The following USP39 variants were observed in gnomAD, a reference collection of about 807,000 sequenced individuals.
USP39 encodes the protein ubiquitin specific peptidase 39.
A neutral mutation model predicts 66.4 loss-of-function variants in USP39; 38 were observed. The observed-to-expected ratio is 0.57, with a 90% CI of 0.44 to 0.75. USP39 has a LOEUF of 0.75. USP39 is among the 30% of genes least tolerant of loss of function. The pLI, the probability that USP39 is intolerant of heterozygous loss-of-function variation, is 0.00. For synonymous variants in USP39, 303 were observed against 274.6 expected, an observed-to-expected ratio of 1.10 and a Z score of -1.02; for missense variants, 608 against 714.4, an observed-to-expected ratio of 0.85 and a Z score of 1.70.
chr2:85,608,821 G>A (rs751393826), upstream of USP39: 326 of 1,349,406 alleles, frequency 2.4e-4, no homozygotes, highest in East Asian at 4.0e-4. Flanking sequence ...ACACCCTATG[G>A]ATGCAGCAGC....
chr2:85,611,588 G>A (rs552219792), upstream of USP39: 16 of 1,552,328 alleles, frequency 1.0e-5, no homozygotes, highest in Admixed American at 7.8e-5. Context: ...GGAGTAAGAA[G>A]TGGTTTTTCC....
intron 1 of USP39, among the ~76,000 whole-genome samples, chr2:85,618,090 G>A (rs1041934314): frequency 6.6e-6 from 1 of 152,028 alleles, no homozygotes; most frequent in Non-Finnish European, 1.5e-5. Context: ...AGTAGGCTGG[G>A]ATTACACGTG....
chr2:85,640,134 A>C (rs1353025600), intron 9 of USP39, among the ~76,000 whole-genome samples: 1 of 152,054 alleles, frequency 6.6e-6, no homozygotes, highest in Non-Finnish European at 1.5e-5. Context: ...GACCTCCCAA[A>C]GTGTTGGGAT....
chr2:85,610,914 A>T (rs1673469070), upstream of USP39: 1 of 140,252 alleles, frequency 7.1e-6, no homozygotes, highest in African/African-American at 2.7e-5. Flanking sequence ...GCCCACCACC[A>T]CGCCCGGCTA....
chr2:85,631,175 C>T (rs550073897), intron 6 of USP39, among the ~76,000 whole-genome samples: 7 of 152,144 alleles, frequency 4.6e-5, no homozygotes, highest in South Asian at 2.1e-4. Flanking sequence ...CCACCACGCC[C>T]GGCTAATTTT....
In USP39 at chr2:85,639,187, T is replaced by C; in HGVS notation, c.1096-16T>C. The C allele has an allele frequency of 1.2e-6, 2 of 1,607,006 alleles. No individual in the cohort carries two copies. Among genetic ancestry groups the C allele is most frequent in the Non-Finnish European group, 1.7e-6 (2 of 1,175,740 alleles). ...GTCACACTCCTTTCCTCTCTTTTCT[T>C]CTCATTCATTTCTAGCCAGCAGAAG... On this transcript the variant is annotated splice_polypyrimidine_tract_variant and intron_variant, in intron 8 of 12. Coordinates refer to ENST00000323701, the MANE Select transcript of USP39 (RefSeq NM_006590.4).
At chr2:85,609,340 A>G, upstream of USP39, 1 of 1,516,566 alleles carries the variant, frequency 6.6e-7, no homozygotes, top group East Asian at 2.3e-5. Context: ...GACGCTTCCC[A>G]TTGGGGGTCC....
At chr2:85,619,427 G>A in intron 2 of USP39, 138 bp downstream of exon 2, 3 of 800,884 alleles carry the variant, frequency 3.7e-6, no homozygotes, top group Non-Finnish European at 3.9e-6. Flanking sequence ...TTCTTGCCAT[G>A]TTACTCCTTA....
rs552542357 is a variant in USP39 at position 85,616,296 on chromosome 2, G to A, written c.101G>A (p.Arg34Gln). Reference sequence around the variant, plus strand: ...GGTCGCGTCAAGCGGGAGCGAGATCGGGAGCGGGAGCCTGAGGCGGCGAGC... The same window carrying A: ...GGTCGCGTCAAGCGGGAGCGAGATCAGGAGCGGGAGCCTGAGGCGGCGAGC... ...SSGRVKRERDREREPEAASSR... is the reference protein window; with the variant it reads ...SSGRVKRERDQEREPEAASSR... Residue 34 changes from arginine (R) to glutamine (Q), a missense_variant, in exon 1 of 13, where the codon CGG becomes CAG. Arg to Gln is a conservative substitution (Grantham distance 43, BLOSUM62 1). Transcript: ENST00000323701. 63 of 1,569,342 alleles carry A rather than the reference G, an allele frequency of 4.0e-5. No homozygotes were observed. The East Asian group carries it at 1.3e-3, about 34-fold the overall frequency.
intron 1 of USP39, among the ~76,000 whole-genome samples, chr2:85,618,548 C>A (rs1396213961): frequency 7.1e-6 from 1 of 141,838 alleles, no homozygotes; most frequent in Admixed American, 7.3e-5. Context: ...GGGGACAGAG[C>A]GAGACTCCGT....
rs1157893065 is a variant in USP39, at chr2:85,630,954, C to A, written c.949+8C>A. On this transcript the variant is annotated splice_region_variant and intron_variant, in intron 6 of 12. Coordinates refer to ENST00000323701, the MANE Select transcript of USP39 (RefSeq NM_006590.4). ...TTCAGATCACCAAACAAGGTAAGAA[C>A]AAGTCATTCATGTTTCAGGACAACA... 1.9e-6 allele frequency: 3 copies of A among 1,610,108 alleles called. No homozygotes were observed. Among genetic ancestry groups the A allele is most frequent in the Admixed American group, 3.4e-5 (2 of 59,570 alleles).
rs1673950249 is a variant in USP39, at chr2:85,616,395, T to G, written c.200T>G (p.Val67Gly). Residue 67 changes from valine to glycine, a missense_variant, in exon 1 of 13, where the codon GTC becomes GGC. Physicochemically the swap from Val to Gly is moderately radical, Grantham distance 109 (BLOSUM62 -3). This residue lies in a region of USP39 where 207 missense variants were observed against 145.7 expected (regional missense o/e 1.42). Transcript: ENST00000323701. ...GCGCGCGAGGCCCCGGCTTCTGTTG[T>G]CCCGTTTGTGCGGGTGAAGCGGGAG... ...ASAREAPASV[V>G]PFVRVKRERE... is the part of the protein sequence containing the mutation. The G allele has an allele frequency of 6.2e-7, 1 of 1,604,118 alleles. No individual in the cohort carries two copies. The highest frequency in any genetic ancestry group is 8.5e-7 in the Non-Finnish European group (1 of 1,175,420).
At chr2:85,631,313 C>CT (rs57173306) in intron 6 of USP39, among the ~76,000 whole-genome samples, 8,431 of 126,262 alleles carry the variant, frequency 0.067, 415 homozygotes, top group East Asian at 0.21. Flanking sequence ...TGCGCCCGGC[C>CT]TTTTTTTTTT....
intron 1 of USP39, among the ~76,000 whole-genome samples, chr2:85,617,888 G>C (rs185579623): frequency 3.3e-5 from 5 of 152,078 alleles, no homozygotes; most frequent in South Asian, 2.1e-4. Flanking sequence ...GTTAGCTTGC[G>C]AGTAGGGTAA....
chr2:85,606,157 T>C (rs1308873012), intron 1 of USP39, among the ~76,000 whole-genome samples: 1 of 152,202 alleles, frequency 6.6e-6, no homozygotes, highest in Non-Finnish European at 1.5e-5. Flanking sequence ...GATATGCCTA[T>C]CAGATTGTGT....
chr2:85,643,648 CT>C (rs34391423), intron 10 of USP39, among the ~76,000 whole-genome samples: 1,751 of 139,304 alleles, frequency 0.013, 13 homozygotes, highest in Non-Finnish European at 0.016. Context: ...CTCATATCTC[CT>C]TTTTTTTTTT....
chr2:85,613,194 A>G (rs779717050), upstream of USP39, among the ~76,000 whole-genome samples: 2 of 152,038 alleles, frequency 1.3e-5, no homozygotes, highest in Non-Finnish European at 2.9e-5. Flanking sequence ...CATCGTCTCT[A>G]CAAGAAAAAA....
upstream of USP39, chr2:85,611,941 G>C (rs908456742): frequency 6.3e-7 from 1 of 1,583,264 alleles, no homozygotes. Context: ...CCGCCCCCCA[G>C]GCTTGCAGCA....
At chr2:85,611,983 A>T, upstream of USP39, 1 of 1,532,600 alleles carries the variant, frequency 6.5e-7, no homozygotes. Flanking sequence ...CCCCGCCTCC[A>T]TCAGGAGCCG....
Sources: allele counts gnomAD v4.1 joint callset (sites outside exome capture counted in the v4.1 genomes callset), GRCh38; gene constraint gnomAD v4.1.1; regional missense constraint gnomAD v4.1.1; transcripts MANE v1.5; gene names NCBI Gene and HGNC (gene_info 2026-07-23, HGNC 2026-07-21).